Variants in PADI1 observed in about 807,000 individuals in gnomAD.
PADI1 encodes protein-arginine deiminase type-1.
Under a neutral mutation model 74.8 loss-of-function variants are expected in PADI1, and 65 were observed. The observed-to-expected ratio is 0.87, with a 90% confidence interval of 0.71 to 1.07. PADI1 has a LOEUF of 1.07. PADI1 is among the 50% of genes least tolerant of loss of function. The pLI is 0.00. For missense variants in PADI1, 943 were observed against 854.0 expected, an observed-to-expected ratio of 1.10 and a Z score of -1.30; for synonymous variants, 371 against 336.2, an observed-to-expected ratio of 1.10 and a Z score of -1.13.
At chr1:17,219,145 G>T (rs1049874584) in intron 1 of PADI1, among the ~76,000 whole-genome samples, 1 of 152,144 alleles carries the variant, frequency 6.6e-6, no homozygotes, top group East Asian at 1.9e-4. Context: ...GTGGAGAGTT[G>T]GATCTGATTG....
intron 1 of PADI1, among the ~76,000 whole-genome samples, chr1:17,213,189 A>ATTATGGAAAAGGAG (rs11267550): frequency 6.6e-6 from 1 of 151,912 alleles, no homozygotes; most frequent in African/African-American, 2.4e-5. Flanking sequence ...GTAATCTCCT[A>ATTATGGAAAAGGAG]CCAGGCTGGT....
intron 12 of PADI1, 43 bp from the exon 13 acceptor site, chr1:17,238,573 G>A (rs1184766190): frequency 3.0e-5 from 35 of 1,173,730 alleles, no homozygotes; most frequent in Non-Finnish European, 3.8e-5. Context: ...CTGTGTCTAA[G>A]GGGACCCTGT....
chr1:17,238,735 C>A, intron 13 of PADI1, 26 bp downstream of exon 13: 1 of 1,223,256 alleles, frequency 8.2e-7, no homozygotes, highest in South Asian at 1.7e-5. Flanking sequence ...CCGGTCACCC[C>A]TGGGGGACCC....
rs762947109 is a variant in PADI1, at chr1:17,239,658, C to G, written c.1553-46C>G. 15 of 1,444,796 alleles carry G rather than the reference C, an allele frequency of 1.0e-5. No homozygotes were observed. In the South Asian group the frequency reaches 1.7e-4, roughly 16 times the overall value. 89.5% of individuals were successfully genotyped at this position (1,444,796 alleles called of 1,614,324 possible). A position where few individuals can be genotyped will look rare whatever the true frequency, so the allele number is the denominator to read the frequency against. On this transcript the variant is annotated intron_variant, in intron 13 of 15. Transcript: ENST00000375471. ...TGTAGCCCCAGGCTGAAGACGGCCT[C>G]CAGGCAGTGCTCCCTGAGCTATGTA...
At position 17,230,199 on chromosome 1, in the gene PADI1, C is replaced by T; in HGVS notation, c.1044C>T (p.Arg348=). Reference sequence around the variant, plus strand: ...CTCAAGTTGAAAATCGAAATGACCGCTGGATCCAGGTGGGAGCTGGGGGCA... The same window carrying T: ...CTCAAGTTGAAAATCGAAATGACCGTTGGATCCAGGTGGGAGCTGGGGGCA... ...ICPQVENRND[R]WIQDEMEFGY... is the part of the protein sequence containing the mutation. Residue 348 remains arginine (R), a synonymous_variant, in exon 9 of 16, where the codon CGC becomes CGT. Transcript: ENST00000375471. 1 of 1,613,830 alleles carries T rather than the reference C, an allele frequency of 6.2e-7. No homozygotes were observed. Among genetic ancestry groups the T allele is most frequent in the Non-Finnish European group, 8.5e-7 (1 of 1,179,810 alleles).
At chr1:17,222,519 T>C (rs756906619) in intron 2 of PADI1, 49 bp downstream of exon 2, 3 of 1,453,792 alleles carry the variant, frequency 2.1e-6, no homozygotes, top group Non-Finnish European at 2.9e-6. Flanking sequence ...TCCACCCCCA[T>C]CCAAGGTAAG....
intron 1 of PADI1, among the ~76,000 whole-genome samples, chr1:17,216,188 GC>G (rs527249579): frequency 6.6e-6 from 1 of 152,316 alleles, no homozygotes; most frequent in African/African-American, 2.4e-5. Flanking sequence ...TCTGGTGACA[GC>G]CTCTGAGCAG....
chr1:17,226,404 C>T (rs1428345802), intron 6 of PADI1, among the ~76,000 whole-genome samples: 2 of 152,164 alleles, frequency 1.3e-5, no homozygotes, highest in Admixed American at 1.3e-4. Flanking sequence ...TGGGGTGGAG[C>T]AGGCATTCCA....
At chr1:17,227,056 G>A (rs2072336719) in intron 6 of PADI1, among the ~76,000 whole-genome samples, 1 of 150,086 alleles carries the variant, frequency 6.7e-6, no homozygotes, top group South Asian at 2.1e-4. Flanking sequence ...AATTAGCTGG[G>A]TGTGGAGACT....
intron 1 of PADI1, among the ~76,000 whole-genome samples, chr1:17,219,687 T>C (rs1477040340): frequency 1.3e-5 from 2 of 151,670 alleles, no homozygotes; most frequent in Non-Finnish European, 2.9e-5. Flanking sequence ...GGTGTCCCTG[T>C]AGATGGGTGG....
chr1:17,205,596 G>T (rs1011841864), intron 1 of PADI1, among the ~76,000 whole-genome samples: 1 of 152,148 alleles, frequency 6.6e-6, no homozygotes, highest in Non-Finnish European at 1.5e-5. Context: ...AGGCTTTGGG[G>T]TCTGGGCCCT....
At chr1:17,207,640 G>A (rs150674029) in intron 1 of PADI1, among the ~76,000 whole-genome samples, 31 of 152,356 alleles carry the variant, frequency 2.0e-4, no homozygotes, top group African/African-American at 7.2e-4. Context: ...AGCATAGGGT[G>A]TCTGTAAAGC....
intron 1 of PADI1, among the ~76,000 whole-genome samples, chr1:17,209,841 A>G (rs1212063886): frequency 1.3e-5 from 2 of 151,672 alleles, no homozygotes; most frequent in Admixed American, 6.6e-5. Context: ...TATTTTTTCC[A>G]TTTTATTTTA....
At chr1:17,208,681 G>A (rs1320810036) in intron 1 of PADI1, among the ~76,000 whole-genome samples, 1 of 151,980 alleles carries the variant, frequency 6.6e-6, no homozygotes, top group African/African-American at 2.4e-5. Flanking sequence ...ACACCCCAGT[G>A]GGCTAGCTCA....
chr1:17,218,967 G>A lies in PADI1; in HGVS notation c.93-3323G>A, dbSNP rs552202832. On this transcript the variant is annotated intron_variant, in intron 1 of 15. Coordinates refer to ENST00000375471, the MANE Select transcript of PADI1 (RefSeq NM_013358.3). ...CTGAGTGACAAGGGGGAAGAGTGGG[G>A]AGGCTTCTGGAGATAGGAGAAGATA... 1.7e-4 allele frequency among the ~76,000 whole-genome samples: 26 copies of A among 152,302 alleles called. No homozygotes were observed. In the Middle Eastern group the frequency reaches 0.01, roughly 60 times the overall value.
chr1:17,229,469 G>C (rs914275729), intron 8 of PADI1, among the ~76,000 whole-genome samples: 10 of 152,214 alleles, frequency 6.6e-5, no homozygotes, highest in African/African-American at 2.4e-4. Context: ...ATCTCACCCA[G>C]CTTGCTGGTC....
At chr1:17,225,456 A>C (rs1023636586) in intron 4 of PADI1, among the ~76,000 whole-genome samples, 2 of 152,184 alleles carry the variant, frequency 1.3e-5, no homozygotes, top group African/African-American at 4.8e-5. Context: ...CCCGACCCTC[A>C]TCAAGGTCAT....
rs765981169 is a variant in PADI1 at position 17,237,374 on chromosome 1, G to A, written c.1374G>A (p.Gln458=). Residue 458 remains glutamine, a synonymous_variant, in exon 12 of 16, where the codon CAG becomes CAA. Coordinates refer to ENST00000375471, the MANE Select transcript of PADI1 (RefSeq NM_013358.3). Reference sequence around the variant, plus strand: ...ACTTCCTGAAGGCACAGCAGGTGCAGGCACCCGTGGAGCTCTACTCGGACT... The same window carrying A: ...ACTTCCTGAAGGCACAGCAGGTGCAAGCACCCGTGGAGCTCTACTCGGACT... ...VRNFLKAQQV[Q]APVELYSDWL... 5.6e-6 allele frequency: 9 copies of A among 1,613,474 alleles called. No homozygotes were observed. The highest frequency in any genetic ancestry group is 1.7e-5 in the Admixed American group (1 of 59,954).
chr1:17,213,765 A>G (rs2071897062), intron 1 of PADI1, among the ~76,000 whole-genome samples: 1 of 152,230 alleles, frequency 6.6e-6, no homozygotes, highest in Admixed American at 6.5e-5. Context: ...GCCTTATGCC[A>G]TAACCAGTGG....
Sources: allele counts gnomAD v4.1 joint callset (sites outside exome capture counted in the v4.1 genomes callset), GRCh38; gene constraint gnomAD v4.1.1; transcripts MANE v1.5; gene names NCBI Gene and HGNC (gene_info 2026-07-23, HGNC 2026-07-21).